ADCY8: variants seen among roughly 807,000 people sequenced by gnomAD.
The protein encoded by ADCY8 is adenylate cyclase type 8.
In ADCY8, 51 loss-of-function variants were observed where a neutral mutation model predicts 119.7. The ratio of observed to expected loss-of-function variants is 0.43; its 90% CI spans 0.34 to 0.54. The LOEUF is 0.54. ADCY8 is among the 20% of genes least tolerant of loss of function. ADCY8 has a pLI of 0.03. For synonymous variants in ADCY8, 665 were observed against 651.0 expected (o/e 1.02, Z -0.33); for missense variants, 1,383 against 1,598.8 (o/e 0.87, Z 2.30).
intron 1 of ADCY8, among the ~76,000 whole-genome samples, chr8:131,002,521 G>T (rs914938836): frequency 2.6e-5 from 4 of 152,186 alleles, no homozygotes; most frequent in African/African-American, 9.7e-5. Flanking sequence ...TCCCACAGCT[G>T]TTGGCTCTGT....
intron 9 of ADCY8, among the ~76,000 whole-genome samples, chr8:130,866,597 C>G (rs1818132393): frequency 6.6e-6 from 1 of 152,186 alleles, no homozygotes; most frequent in South Asian, 2.1e-4. Context: ...GGAATACTCT[C>G]CTACTTTTTC....
chr8:130,976,369 G>A (rs577044659), intron 2 of ADCY8, among the ~76,000 whole-genome samples: 11 of 152,246 alleles, frequency 7.2e-5, no homozygotes, highest in East Asian at 5.8e-4. Context: ...TGTAGGTGTC[G>A]GAAGATGCTA....
chr8:130,842,119 C>G (rs985729759), intron 11 of ADCY8, among the ~76,000 whole-genome samples: 1 of 152,206 alleles, frequency 6.6e-6, no homozygotes, highest in African/African-American at 2.4e-5. Context: ...ATTCAAGATG[C>G]TGGTTTTCCA....
chr8:131,029,692 T>C (rs1194851240), intron 1 of ADCY8, among the ~76,000 whole-genome samples: 3 of 152,224 alleles, frequency 2.0e-5, no homozygotes, highest in African/African-American at 7.2e-5. Flanking sequence ...AATATGTACA[T>C]GTATATGAAT....
chr8:130,907,866 C>T (rs915676728), intron 6 of ADCY8, among the ~76,000 whole-genome samples: 4 of 152,144 alleles, frequency 2.6e-5, no homozygotes, highest in African/African-American at 9.7e-5. Context: ...TACTACCCAA[C>T]AGGTAGTTTC....
chr8:131,005,486 G>C (rs2130770157), intron 1 of ADCY8, among the ~76,000 whole-genome samples: 1 of 152,212 alleles, frequency 6.6e-6, no homozygotes, highest in East Asian at 1.9e-4. Flanking sequence ...GGATAACTTG[G>C]AGTTAACTGG....
chr8:130,850,489 C>T (rs996894523), intron 9 of ADCY8, among the ~76,000 whole-genome samples: 5 of 152,058 alleles, frequency 3.3e-5, no homozygotes, highest in Admixed American at 1.3e-4. Context: ...CTCCTGTCTC[C>T]CCTATCAACC....
intron 12 of ADCY8, among the ~76,000 whole-genome samples, chr8:130,822,477 A>C (rs1449146701): frequency 6.6e-6 from 1 of 151,542 alleles, no homozygotes; most frequent in South Asian, 2.1e-4. Context: ...GTCATCCTGC[A>C]TTTTAGGGCT....
At chr8:130,991,479 C>T (rs1446051152) in intron 1 of ADCY8, among the ~76,000 whole-genome samples, 2 of 152,160 alleles carry the variant, frequency 1.3e-5, no homozygotes, top group East Asian at 3.8e-4. Context: ...ATAGGGAAGA[C>T]AGTAAGCAAT....
Position 130,787,468 on chromosome 8 carries a change from G to A in ADCY8, c.3061-1993C>T, listed in dbSNP as rs149131151. ...GTGTGCAACTATGTGTGCATATTGC[G>A]TGTGGGTGTGGGTGTATATGTGCAT... On this transcript the variant is annotated intron_variant, in intron 15 of 17. Coordinates refer to ENST00000286355, the MANE Select transcript of ADCY8 (RefSeq NM_001115.3). Among the ~76,000 whole-genome samples, 689 of 152,068 alleles carry A rather than the reference G, an allele frequency of 4.5e-3. 2 individuals carry two copies. Among genetic ancestry groups the A allele is most frequent in the Non-Finnish European group, 5.9e-3 (401 of 67,966 alleles).
chr8:130,844,975 C>A (rs756266657), intron 11 of ADCY8, among the ~76,000 whole-genome samples: 1 of 152,110 alleles, frequency 6.6e-6, no homozygotes, highest in Non-Finnish European at 1.5e-5. Context: ...ATGCTCAAAG[C>A]CCTTTTGTTG....
chr8:130,792,542 T>A (rs1176541490), intron 15 of ADCY8, among the ~76,000 whole-genome samples: 1 of 152,180 alleles, frequency 6.6e-6, no homozygotes, highest in Non-Finnish European at 1.5e-5. Context: ...TCGACCCCCA[T>A]CTTGGTTAGT....
chr8:130,992,129 G>A (rs888490358), intron 1 of ADCY8, among the ~76,000 whole-genome samples: 2 of 150,340 alleles, frequency 1.3e-5, no homozygotes, highest in Non-Finnish European at 1.5e-5. Flanking sequence ...ACCCAGGCTG[G>A]AGTGCAGTAG....
At chr8:130,889,897 T>A (rs1389199893) in intron 7 of ADCY8, among the ~76,000 whole-genome samples, 1 of 152,064 alleles carries the variant, frequency 6.6e-6, no homozygotes, top group Non-Finnish European at 1.5e-5. Context: ...AAAAAACAAA[T>A]AAGACATCAC....
chr8:130,975,725 T>C (rs979130866), intron 2 of ADCY8, among the ~76,000 whole-genome samples: 4 of 152,182 alleles, frequency 2.6e-5, no homozygotes, highest in Non-Finnish European at 5.9e-5. Flanking sequence ...AAAGCTGGTG[T>C]TCCAAACCAG....
chr8:131,030,531 C>T (rs1823965803), intron 1 of ADCY8, among the ~76,000 whole-genome samples: 1 of 152,174 alleles, frequency 6.6e-6, no homozygotes, highest in South Asian at 2.1e-4. Context: ...AAAATATTTA[C>T]TGAATCCCTG....
chr8:130,852,839 G>A (rs1817580393), intron 9 of ADCY8, among the ~76,000 whole-genome samples: 1 of 152,072 alleles, frequency 6.6e-6, no homozygotes, highest in Admixed American at 6.6e-5. Context: ...CACTTAACAT[G>A]GTGTGTCCTG....
chr8:130,811,524 T>G (rs972929447), intron 14 of ADCY8, among the ~76,000 whole-genome samples: 1 of 152,212 alleles, frequency 6.6e-6, no homozygotes, highest in Non-Finnish European at 1.5e-5. Context: ...GGTTTTTCAT[T>G]TCCTGTTTAG....
At chr8:130,784,335 A>G (rs1449637174) in intron 16 of ADCY8, among the ~76,000 whole-genome samples, 2 of 151,914 alleles carry the variant, frequency 1.3e-5, no homozygotes, top group Non-Finnish European at 2.9e-5. Context: ...TGCTTACAAA[A>G]CTCCTAAGGG....
Sources: gnomAD v4.1 joint callset for allele counts (sites outside exome capture counted in the v4.1 genomes callset) on GRCh38, gnomAD v4.1.1 for gene constraint, MANE v1.5 for transcripts, NCBI Gene and HGNC (gene_info 2026-07-23, HGNC 2026-07-21) for gene names.